FSTL4: variants seen among roughly 807,000 people sequenced by gnomAD.
FSTL4 encodes follistatin-related protein 4.
Under a neutral mutation model 78.2 loss-of-function variants are expected in FSTL4, and 28 were observed. The observed-to-expected ratio is 0.36, with a 90% CI of 0.27 to 0.49. The LOEUF (loss-of-function observed/expected upper bound fraction) is 0.49. Among genes scored for constraint, FSTL4 ranks in the 20% least tolerant of loss-of-function variants. FSTL4 has a pLI of 0.98. For synonymous variants in FSTL4, 422 were observed against 440.5 expected (o/e 0.96, Z 0.53); for missense variants, 922 against 1,084.9 (o/e 0.85, Z 2.11).
At chr5:133,546,831 T>C (rs439787) in intron 3 of FSTL4, among the ~76,000 whole-genome samples, 61,760 of 151,972 alleles carry the variant, frequency 0.41, 12,842 homozygotes, top group African/African-American at 0.48. Context: ...GCTTCAGGTA[T>C]AGCTAGTGCC....
chr5:133,447,515 C>A (rs1250271013), intron 3 of FSTL4, among the ~76,000 whole-genome samples: 2 of 152,132 alleles, frequency 1.3e-5, no homozygotes, highest in Admixed American at 1.3e-4. Flanking sequence ...GATAAGCAAC[C>A]ATGTATGTGG....
intron 7 of FSTL4, among the ~76,000 whole-genome samples, chr5:133,240,941 T>C (rs1435357987): frequency 1.3e-5 from 2 of 152,160 alleles, no homozygotes; most frequent in African/African-American, 4.8e-5. Flanking sequence ...TCTCTTTATT[T>C]GCCTGGGGTC....
At chr5:133,397,483 G>C (rs943615183) in intron 4 of FSTL4, among the ~76,000 whole-genome samples, 1 of 152,210 alleles carries the variant, frequency 6.6e-6, no homozygotes, top group African/African-American at 2.4e-5. Flanking sequence ...ATCCCTAAAT[G>C]ATATATTTCA....
the FSTL4 span, among the ~76,000 whole-genome samples, chr5:133,732,731 G>A: frequency 6.6e-6 from 1 of 151,344 alleles, no homozygotes; most frequent in Non-Finnish European, 1.5e-5. Flanking sequence ...ACAGGTCCAG[G>A]CCCTCCGGCA....
the FSTL4 span, among the ~76,000 whole-genome samples, chr5:133,630,464 C>T: frequency 3.9e-5 from 6 of 152,148 alleles, no homozygotes; most frequent in African/African-American, 1.4e-4. Flanking sequence ...TCAAGGAGAA[C>T]TACAAACCAC....
At chr5:133,600,600 C>G (rs1199213838) in intron 2 of FSTL4, among the ~76,000 whole-genome samples, 1 of 152,176 alleles carries the variant, frequency 6.6e-6, no homozygotes, top group Non-Finnish European at 1.5e-5. Flanking sequence ...TGGTAAACTC[C>G]TTGAAACTAT....
the FSTL4 span, among the ~76,000 whole-genome samples, chr5:133,711,957 T>A: frequency 1.3e-5 from 2 of 152,128 alleles, no homozygotes; most frequent in Non-Finnish European, 2.9e-5. Flanking sequence ...ATGGGAAAAC[T>A]GATGACAGCT....
the FSTL4 span, among the ~76,000 whole-genome samples, chr5:133,634,388 C>G: frequency 3.0e-5 from 4 of 134,154 alleles, no homozygotes; most frequent in Non-Finnish European, 6.6e-5. Flanking sequence ...TTTTCTCTCT[C>G]TCTCTTTTTT....
the FSTL4 span, among the ~76,000 whole-genome samples, chr5:133,749,443 G>A: frequency 1.4e-4 from 22 of 152,326 alleles, no homozygotes; most frequent in African/African-American, 5.1e-4. Context: ...GCACACAGTT[G>A]CTATTGCAGT....
In FSTL4 at chr5:133,446,355, G is replaced by A. The variant is rs189533178; in HGVS notation, c.161-45369C>T. ...CTTGGGAGGCTGAGGCAGGAGAATC[G>A]CCTGAATCCAGGAGGTGGAGGCTGC... On this transcript the variant is annotated intron_variant, in intron 3 of 15. Transcript: ENST00000265342. Among the ~76,000 whole-genome samples the A allele has an allele frequency of 5.3e-5, 8 of 152,322 alleles. 1 individual carries two copies. The highest frequency in any genetic ancestry group is 4.1e-4 in the South Asian group (2 of 4,824).
At chr5:133,301,177 A>G (rs1346928725) in intron 6 of FSTL4, among the ~76,000 whole-genome samples, 3 of 151,996 alleles carry the variant, frequency 2.0e-5, no homozygotes, top group Non-Finnish European at 4.4e-5. Context: ...GTCACACATC[A>G]TGGGGGAAGA....
chr5:133,492,734 G>C (rs10079451), intron 3 of FSTL4, among the ~76,000 whole-genome samples: 1 of 152,018 alleles, frequency 6.6e-6, no homozygotes, highest in Admixed American at 6.5e-5. Flanking sequence ...TTTGGAAAAG[G>C]TCTAGCTATT....
intron 3 of FSTL4, among the ~76,000 whole-genome samples, chr5:133,491,387 A>G (rs1355782981): frequency 6.6e-6 from 1 of 151,294 alleles, no homozygotes; most frequent in Non-Finnish European, 1.5e-5. Flanking sequence ...TAATGTTACT[A>G]CAAACAATTT....
At chr5:133,288,917 G>T (rs1334885548) in intron 6 of FSTL4, among the ~76,000 whole-genome samples, 1 of 152,218 alleles carries the variant, frequency 6.6e-6, no homozygotes, top group African/African-American at 2.4e-5. Flanking sequence ...AAAGACTGAG[G>T]TGAGGGTCTG....
chr5:133,676,818 G>A, the FSTL4 span, among the ~76,000 whole-genome samples: 10 of 152,068 alleles, frequency 6.6e-5, no homozygotes, highest in African/African-American at 2.4e-4. Context: ...ATCAGAAACT[G>A]GGAAAAAATG....
intron 3 of FSTL4, among the ~76,000 whole-genome samples, chr5:133,423,502 C>T (rs886755422): frequency 6.6e-6 from 1 of 152,208 alleles, no homozygotes; most frequent in African/African-American, 2.4e-5. Context: ...AATTCTGCTG[C>T]TATGTGAGGA....
chr5:133,468,800 T>C (rs1265349167), intron 3 of FSTL4, among the ~76,000 whole-genome samples: 6 of 152,158 alleles, frequency 3.9e-5, no homozygotes, highest in Admixed American at 2.0e-4. Flanking sequence ...CCTCCAGGAC[T>C]TTCCAGCTCA....
At chr5:133,254,879 C>A (rs1752345845) in intron 6 of FSTL4, among the ~76,000 whole-genome samples, 2 of 152,224 alleles carry the variant, frequency 1.3e-5, no homozygotes, top group African/African-American at 4.8e-5. Flanking sequence ...CACACATCTC[C>A]TGAACCTCAC....
chr5:133,312,449 C>T (rs1753807793), intron 6 of FSTL4: 7 of 582,488 alleles, frequency 1.2e-5, no homozygotes, highest in Non-Finnish European at 2.1e-5. Flanking sequence ...TAAAAAGGAA[C>T]AGGGCAAGCC....
Sources: allele counts gnomAD v4.1 joint callset (sites outside exome capture counted in the v4.1 genomes callset), GRCh38; gene constraint gnomAD v4.1.1; transcripts MANE v1.5; gene names NCBI Gene and HGNC (gene_info 2026-07-23, HGNC 2026-07-21).